Variants in NMU observed in about 807,000 individuals in gnomAD.
NMU encodes neuromedin U.
NMU carries 29 observed loss-of-function variants against 35.4 expected under a neutral mutation model. The ratio of observed to expected loss-of-function variants is 0.82; its 90% confidence interval spans 0.61 to 1.12. The LOEUF is 1.12. Ranked by LOEUF, NMU falls within the 50% of genes most tolerant of loss-of-function variation. The pLI, the probability that NMU is intolerant of heterozygous loss-of-function variation, is 0.00. For synonymous variants in NMU, 78 were observed against 81.3 expected, an observed-to-expected ratio of 0.96 and a Z score of 0.22; for missense variants, 199 against 206.2, an observed-to-expected ratio of 0.97 and a Z score of 0.21.
chr4:55,626,052 G>C (rs1370405383), intron 2 of NMU, among the ~76,000 whole-genome samples: 2 of 152,114 alleles, frequency 1.3e-5, no homozygotes, highest in African/African-American at 2.4e-5. Flanking sequence ...GGATCGTGGG[G>C]ATATCTAGGT....
At chr4:55,617,243 A>T (rs1423278887) in intron 2 of NMU, among the ~76,000 whole-genome samples, 1 of 152,140 alleles carries the variant, frequency 6.6e-6, no homozygotes, top group Non-Finnish European at 1.5e-5. Context: ...TACTGTCATA[A>T]ATTCTCAAGC....
chr4:55,615,514 G>A (rs1734079097), intron 3 of NMU, among the ~76,000 whole-genome samples: 1 of 152,202 alleles, frequency 6.6e-6, no homozygotes. Context: ...TTATAATGAT[G>A]ATGCTTTGAC....
At chr4:55,598,341 G>A (rs1733285516) in intron 9 of NMU, among the ~76,000 whole-genome samples, 1 of 151,856 alleles carries the variant, frequency 6.6e-6, no homozygotes, top group African/African-American at 2.4e-5. Flanking sequence ...CCAAAGTGAT[G>A]GGATTACAGG....
chr4:55,629,572 T>G (rs1177403165), intron 2 of NMU, among the ~76,000 whole-genome samples: 3 of 127,400 alleles, frequency 2.4e-5, no homozygotes, highest in Non-Finnish European at 3.1e-5. Flanking sequence ...TGAGCGGAGA[T>G]AGAGCCACTG....
chr4:55,602,033 T>C (rs1469457590), intron 7 of NMU, among the ~76,000 whole-genome samples: 1 of 151,938 alleles, frequency 6.6e-6, no homozygotes, highest in Non-Finnish European at 1.5e-5. Flanking sequence ...AAAATTCAAA[T>C]GCATATTATA....
intron 3 of NMU, among the ~76,000 whole-genome samples, chr4:55,611,588 ATGG>A (rs1409603193): frequency 6.6e-6 from 1 of 152,158 alleles, no homozygotes; most frequent in African/African-American, 2.4e-5. Context: ...AGCTCCATTC[ATGG>A]TGAGTGCCCT....
At chr4:55,626,614 C>T (rs1021620636) in intron 2 of NMU, among the ~76,000 whole-genome samples, 4 of 151,974 alleles carry the variant, frequency 2.6e-5, no homozygotes, top group African/African-American at 4.8e-5. Flanking sequence ...GGCTGAGACA[C>T]GAGAATCACT....
At chr4:55,609,047 T>C in intron 4 of NMU, 73 bp downstream of exon 4, 1 of 1,296,862 alleles carries the variant, frequency 7.7e-7, no homozygotes, top group Non-Finnish European at 1.1e-6. Flanking sequence ...TTGGGCATAT[T>C]TTCTTCCAGG....
At position 55,609,168 on chromosome 4, in the gene NMU, T is replaced by G. The variant is rs139260903; in HGVS notation, c.231A>C (p.Ala77=). 2 of 1,612,150 alleles carry G rather than the reference T, an allele frequency of 1.2e-6. No homozygotes were observed. Among genetic ancestry groups the G allele is most frequent in the African/African-American group, 1.3e-5 (1 of 75,018 alleles). The change falls in exon 4 of 10, where the codon GCA becomes GCC. Residue 77 remains alanine, a synonymous_variant. Coordinates refer to ENST00000264218, the MANE Select transcript of NMU (RefSeq NM_006681.4). ...TAATCATAAAGCAAAGCTCCTCCAG[T>G]GCGTTGGATGCCTAACAGAAATGAG... is the stretch of plus-strand genomic sequence containing the variant. ...SIDSQPQASN[A]LEELCFMIMG...
At chr4:55,602,368 A>C (rs1158000027) in intron 7 of NMU, among the ~76,000 whole-genome samples, 1 of 152,192 alleles carries the variant, frequency 6.6e-6, no homozygotes, top group Non-Finnish European at 1.5e-5. Flanking sequence ...TTGCATTTCT[A>C]TTCATCTTTT....
intron 2 of NMU, among the ~76,000 whole-genome samples, chr4:55,624,212 A>G (rs1414337973): frequency 7.1e-5 from 9 of 127,342 alleles, no homozygotes; most frequent in African/African-American, 2.5e-4. Flanking sequence ...AAAAGAAACT[A>G]CCATCAGAGT....
chr4:55,633,400 C>CT (rs200942251), intron 1 of NMU, among the ~76,000 whole-genome samples: 10 of 149,622 alleles, frequency 6.7e-5, no homozygotes, highest in East Asian at 2.0e-4. Context: ...AGGAGTTATT[C>CT]TTTTTTTTTG....
chr4:55,616,318 A>G lies in NMU; in HGVS notation c.219+20T>C. On this transcript the variant is annotated intron_variant, in intron 3 of 9. Transcript: ENST00000264218. ...ACACAAACACCTACATTATTACAAAATATCTTCAATTGGAATTACCTGAGG... is the reference window on the plus strand; with the variant it reads ...ACACAAACACCTACATTATTACAAAGTATCTTCAATTGGAATTACCTGAGG... 1 of 1,589,536 alleles carries G rather than the reference A, an allele frequency of 6.3e-7. No individual in the cohort carries two copies. Among genetic ancestry groups the G allele is most frequent in the Non-Finnish European group, 8.6e-7 (1 of 1,157,684 alleles).
chr4:55,605,697 A>G (rs1733655607), intron 6 of NMU, among the ~76,000 whole-genome samples: 1 of 152,210 alleles, frequency 6.6e-6, no homozygotes. Context: ...GACTTACTCA[A>G]AATAATTCGG....
rs149106723 is a variant in NMU at position 55,599,178 on chromosome 4, G to A, written c.493C>T (p.Arg165Trp). ...QSRGYFLFRP[R>W]NGRRSAGFI ...AACCCTGCTGACCTTCTTCCATTCC[G>A]TGGCTGAAAAATAATAGATTAGAAA... Residue 165 changes from arginine to tryptophan, a missense_variant, in exon 9 of 10, where the codon CGG becomes TGG. Physicochemically the swap from Arg to Trp is moderately radical, Grantham distance 101. Transcript: ENST00000264218. 26 of 1,604,554 alleles carry A rather than the reference G, an allele frequency of 1.6e-5. No individual in the cohort carries two copies. The highest frequency in any genetic ancestry group is 9.4e-5 in the African/African-American group (7 of 74,560).
chr4:55,619,593 C>G (rs1485159030), intron 2 of NMU, among the ~76,000 whole-genome samples: 1 of 134,768 alleles, frequency 7.4e-6, no homozygotes, highest in African/African-American at 2.7e-5. Flanking sequence ...GGGGGAGGGG[C>G]GCCCGCCATT....
At chr4:55,603,732 G>T (rs1733522043) in intron 7 of NMU, among the ~76,000 whole-genome samples, 1 of 151,202 alleles carries the variant, frequency 6.6e-6, no homozygotes, top group Non-Finnish European at 1.5e-5. Flanking sequence ...CTTACACGGT[G>T]AAACTCCGTC....
intron 3 of NMU, among the ~76,000 whole-genome samples, chr4:55,613,752 A>G (rs958135844): frequency 1.3e-4 from 20 of 152,208 alleles, no homozygotes; most frequent in African/African-American, 4.3e-4. Flanking sequence ...CAATTAGGTG[A>G]TGGAGCTTGC....
intron 8 of NMU, among the ~76,000 whole-genome samples, chr4:55,599,793 A>C (rs1403015319): frequency 6.6e-6 from 1 of 152,148 alleles, no homozygotes; most frequent in Non-Finnish European, 1.5e-5. Context: ...TTTGGAAATC[A>C]CAGCCTTTGG....
Sources: gnomAD v4.1 joint callset for allele counts (sites outside exome capture counted in the v4.1 genomes callset) on GRCh38, gnomAD v4.1.1 for gene constraint, MANE v1.5 for transcripts, NCBI Gene and HGNC (gene_info 2026-07-23, HGNC 2026-07-21) for gene names.